The following DESI2 variants were observed in gnomAD, a reference collection of about 807,000 sequenced individuals.
DESI2 encodes the protein desumoylating isopeptidase 2, also known as deubiquitinase DESI2.
Under a neutral mutation model 24.1 loss-of-function variants are expected in DESI2, and 10 were observed. The observed-to-expected ratio is 0.41, with a 90% CI of 0.26 to 0.70. The LOEUF (loss-of-function observed/expected upper bound fraction) is 0.70, where lower values mean the gene tolerates loss of function less well. DESI2 is among the 30% of genes least tolerant of loss of function. The probability of loss-of-function intolerance (pLI) is 0.29; values close to 1 mark genes in which losing one functional copy is unlikely to be tolerated. For missense variants in DESI2, 122 were observed against 234.9 expected, an observed-to-expected ratio of 0.52 and a Z score of 3.14; for synonymous variants, 71 against 87.7, an observed-to-expected ratio of 0.81 and a Z score of 1.06.
Position 244,682,762 on chromosome 1 carries a change from C to A in DESI2, c.43-3835C>A, listed in dbSNP as rs907356226. On this transcript the variant is annotated intron_variant, in intron 1 of 4. Coordinates refer to ENST00000302550, the MANE Select transcript of DESI2 (RefSeq NM_016076.5). Reference sequence around the variant, plus strand: ...ATAAAACGTTATTTGCAAAGACAGGCGGGGGGCCAGATTGGTCTGCAGGAG... The same window carrying A: ...ATAAAACGTTATTTGCAAAGACAGGAGGGGGGCCAGATTGGTCTGCAGGAG... Among the ~76,000 whole-genome samples the A allele has an allele frequency of 2.0e-5, 3 of 150,962 alleles. No individual in the cohort carries two copies. In the East Asian group the frequency reaches 5.9e-4, roughly 29 times the overall value.
chr1:244,653,987 G>A (rs746472451), intron 1 of DESI2: 2 of 471,208 alleles, frequency 4.2e-6, no homozygotes, highest in South Asian at 3.1e-5. Flanking sequence ...AGAGATCCTG[G>A]TGGTGCTCCT....
intron 4 of DESI2, among the ~76,000 whole-genome samples, chr1:244,704,012 T>C (rs907657731): frequency 2.0e-5 from 3 of 152,168 alleles, no homozygotes; most frequent in African/African-American, 4.8e-5. Context: ...TGATAGGTGC[T>C]TGGTAATCAA....
chr1:244,700,043 C>G (rs917165461), intron 4 of DESI2, among the ~76,000 whole-genome samples: 2 of 152,224 alleles, frequency 1.3e-5, no homozygotes, highest in Admixed American at 1.3e-4. Context: ...GGTAGTCCCT[C>G]TGAAACAAAA....
chr1:244,694,165 C>T (rs1050582305), intron 4 of DESI2, among the ~76,000 whole-genome samples: 7 of 152,198 alleles, frequency 4.6e-5, no homozygotes, highest in South Asian at 2.1e-4. Context: ...CATTTAACAC[C>T]GTAATGTTAT....
At chr1:244,684,354 C>T (rs1254180147) in intron 1 of DESI2, among the ~76,000 whole-genome samples, 3 of 152,180 alleles carry the variant, frequency 2.0e-5, no homozygotes, top group Non-Finnish European at 2.9e-5. Flanking sequence ...CCTCCACTCC[C>T]ACCCTAGCCA....
At chr1:244,691,854 C>T (rs973438666) in intron 3 of DESI2, 25 bp from the exon 4 acceptor site, 23 of 1,527,382 alleles carry the variant, frequency 1.5e-5, no homozygotes, top group African/African-American at 1.3e-4. Context: ...TTTTCTTTCT[C>T]TTTTTTTTCT....
intron 1 of DESI2, among the ~76,000 whole-genome samples, chr1:244,667,355 A>G (rs1230395021): frequency 1.3e-5 from 2 of 152,192 alleles, no homozygotes; most frequent in African/African-American, 2.4e-5. Context: ...GAGGGGTTAA[A>G]GGGCCCATGC....
At chr1:244,701,203 ACCTTC>A (rs1677437630) in intron 4 of DESI2, among the ~76,000 whole-genome samples, 3 of 68,452 alleles carry the variant, frequency 4.4e-5, no homozygotes, top group African/African-American at 1.7e-4. Flanking sequence ...TGACTGGACC[ACCTTC>A]CCCTCCACCC....
chr1:244,697,091 T>C (rs969166478), intron 4 of DESI2, among the ~76,000 whole-genome samples: 1 of 152,232 alleles, frequency 6.6e-6, no homozygotes, highest in Non-Finnish European at 1.5e-5. Flanking sequence ...TTCCTTTTGC[T>C]GATTTTGTTT....
chr1:244,668,644 C>T (rs1411081877), intron 1 of DESI2, among the ~76,000 whole-genome samples: 1 of 151,916 alleles, frequency 6.6e-6, no homozygotes, highest in Non-Finnish European at 1.5e-5. Flanking sequence ...TTTTAAGTTA[C>T]AGAAAAAAGA....
At chr1:244,653,814 G>GC in intron 1 of DESI2, 1 of 391,626 alleles carries the variant, frequency 2.6e-6, no homozygotes, top group South Asian at 2.0e-5. Flanking sequence ...AAACTCCCAA[G>GC]CCCCTCTAAG....
chr1:244,683,692 C>T (rs1482164530), intron 1 of DESI2, among the ~76,000 whole-genome samples: 1 of 151,702 alleles, frequency 6.6e-6, no homozygotes, highest in African/African-American at 2.4e-5. Context: ...CCTCTTAGTT[C>T]CTTAAGAGCA....
chr1:244,686,266 ATGTGTG>A (rs71574695), intron 1 of DESI2, among the ~76,000 whole-genome samples: 2 of 145,408 alleles, frequency 1.4e-5, no homozygotes. Flanking sequence ...GTGTGTGTGT[ATGTGTG>A]TGTGTGTGTG....
In DESI2 at chr1:244,708,808, T is replaced by C. The variant is rs1677812358; in HGVS notation, c.*3019T>C. On this transcript the variant is annotated 3_prime_UTR_variant, in exon 5 of 5. Transcript: ENST00000302550. Reference sequence around the variant, plus strand: ...TTAGTAGGCTTTCGTTGTCTTCTCTTTCAATACATGTACATCTTTACTGTT... The same window carrying C: ...TTAGTAGGCTTTCGTTGTCTTCTCTCTCAATACATGTACATCTTTACTGTT... 1 of 152,668 alleles carries C rather than the reference T, an allele frequency of 6.6e-6. No individual in the cohort carries two copies. The highest frequency in any genetic ancestry group is 1.5e-5 in the Non-Finnish European group (1 of 68,050). The allele number at this position is 152,668 out of a possible 1,614,324, so 9.5% of individuals were successfully genotyped here. A position where few individuals can be genotyped will look rare whatever the true frequency, so the allele number is the denominator to read the frequency against.
rs1220267815 is a variant in DESI2, at chr1:244,708,909, TGTCA to T, written c.*3121_*3124del. 1 of 152,658 alleles carries T rather than the reference TGTCA, an allele frequency of 6.6e-6. No homozygotes were observed. Among genetic ancestry groups the T allele is most frequent in the Non-Finnish European group, 1.5e-5 (1 of 68,054 alleles). 9.5% of individuals were successfully genotyped at this position (152,658 alleles called of 1,614,324 possible). ...CTTGTGAAGTTGAATGCAAGTGTAC[TGTCA>T]TTCATAGTGTTTATATCAAAATACC... On this transcript the variant is annotated 3_prime_UTR_variant, in exon 5 of 5. Coordinates refer to ENST00000302550, the MANE Select transcript of DESI2 (RefSeq NM_016076.5).
intron 4 of DESI2, among the ~76,000 whole-genome samples, chr1:244,696,589 C>T (rs778525535): frequency 6.6e-6 from 1 of 152,200 alleles, no homozygotes; most frequent in Admixed American, 6.5e-5. Context: ...CACTGCACTC[C>T]AGCCTGGGTG....
At chr1:244,684,493 T>G (rs1676742668) in intron 1 of DESI2, among the ~76,000 whole-genome samples, 1 of 152,210 alleles carries the variant, frequency 6.6e-6, no homozygotes, top group African/African-American at 2.4e-5. Flanking sequence ...TCAGGCTAAC[T>G]TATTTTTCAA....
intron 1 of DESI2, among the ~76,000 whole-genome samples, chr1:244,664,302 A>G (rs1675966994): frequency 6.6e-6 from 1 of 152,222 alleles, no homozygotes; most frequent in Admixed American, 6.5e-5. Flanking sequence ...AATATACTTA[A>G]TTCTTGTTTT....
chr1:244,703,919 A>C (rs1184774706), intron 4 of DESI2, among the ~76,000 whole-genome samples: 1 of 152,006 alleles, frequency 6.6e-6, no homozygotes. Context: ...CGGCCTCCCA[A>C]AGTGCTGGGA....
Sources: allele counts gnomAD v4.1 joint callset (sites outside exome capture counted in the v4.1 genomes callset), GRCh38; gene constraint gnomAD v4.1.1; transcripts MANE v1.5; gene names NCBI Gene and HGNC (gene_info 2026-07-23, HGNC 2026-07-21).